DISC1: variants seen among roughly 807,000 people sequenced by gnomAD.
The protein encoded by DISC1 is DISC1 scaffold protein.
A neutral mutation model predicts 84.5 loss-of-function variants in DISC1; 57 were observed. The observed-to-expected ratio is 0.67, with a 90% CI of 0.55 to 0.84. The LOEUF (loss-of-function observed/expected upper bound fraction) is 0.84, where lower values mean the gene tolerates loss of function less well. Among genes scored for constraint, DISC1 ranks in the 40% least tolerant of loss-of-function variants. DISC1 has a pLI of 0.00. For missense variants in DISC1, 1,000 were observed against 1,057.8 expected, an observed-to-expected ratio of 0.95 and a Z score of 0.76; for synonymous variants, 411 against 415.2, an observed-to-expected ratio of 0.99 and a Z score of 0.12.
chr1:231,984,960 T>C (rs1664193280), intron 10 of DISC1, among the ~76,000 whole-genome samples: 1 of 152,058 alleles, frequency 6.6e-6, no homozygotes, highest in Admixed American at 6.5e-5. Flanking sequence ...TCCTCAATAT[T>C]TTCTAGTTTC....
chr1:231,991,450 T>C (rs934247923), intron 10 of DISC1, among the ~76,000 whole-genome samples: 1 of 152,206 alleles, frequency 6.6e-6, no homozygotes, highest in Non-Finnish European at 1.5e-5. Context: ...CTGCCCTTAG[T>C]GTGGCATGTG....
chr1:231,994,551 A>G (rs1199185488), intron 10 of DISC1, among the ~76,000 whole-genome samples: 2 of 152,204 alleles, frequency 1.3e-5, no homozygotes, highest in African/African-American at 2.4e-5. Context: ...TTAAAACACT[A>G]CAATGTAGCA....
intron 6 of DISC1, among the ~76,000 whole-genome samples, chr1:231,793,324 C>A (rs1178310477): frequency 6.6e-6 from 1 of 152,152 alleles, no homozygotes; most frequent in Non-Finnish European, 1.5e-5. Context: ...CCTCTTCTAG[C>A]ATCTATTACA....
intron 6 of DISC1, among the ~76,000 whole-genome samples, chr1:231,782,131 T>G (rs17766087): frequency 0.15 from 22,979 of 152,180 alleles, 1,903 homozygotes; most frequent in Non-Finnish European, 0.18. Flanking sequence ...ATCTTGACTT[T>G]CATTGTCATT....
intron 11 of DISC1, among the ~76,000 whole-genome samples, chr1:232,021,799 G>T (rs971527439): frequency 7.2e-5 from 11 of 152,156 alleles, no homozygotes; most frequent in Non-Finnish European, 8.8e-5. Flanking sequence ...TTGGGGTGGG[G>T]CACAGTGAGG....
Position 231,801,363 on chromosome 1 carries a change from C to T in DISC1, c.1792+1153C>T, listed in dbSNP as rs539088716. ...ATCAATATATCTTTCCCAGGAATAC[C>T]GGTGGATGAGTCTGTGTTAAGCCCA... On this transcript the variant is annotated intron_variant, in intron 8 of 12. Coordinates refer to ENST00000439617, the MANE Select transcript of DISC1 (RefSeq NM_018662.3). Among the ~76,000 whole-genome samples the T allele has an allele frequency of 8.5e-5, 13 of 152,256 alleles. No homozygotes were observed. In the South Asian group the frequency reaches 1.7e-3, roughly 19 times the overall value.
rs202052376 is a variant in DISC1, at chr1:231,826,516, C to T, written c.1981+7999C>T. ...TGATGATCCACTATCTGCCATGTTGCTATAGCAGATGGATAATTTAACTCA... is the reference window on the plus strand; with the variant it reads ...TGATGATCCACTATCTGCCATGTTGTTATAGCAGATGGATAATTTAACTCA... On this transcript the variant is annotated intron_variant, in intron 9 of 12. Transcript: ENST00000439617. The surrounding 1 kb of genome is among the most constrained non-coding windows in gnomAD (Gnocchi z 4.2). Among the ~76,000 whole-genome samples the T allele has an allele frequency of 8.5e-5, 13 of 152,172 alleles. No individual in the cohort carries two copies. The highest frequency in any genetic ancestry group is 1.6e-4 in the Non-Finnish European group (11 of 68,008).
intron 6 of DISC1, among the ~76,000 whole-genome samples, chr1:231,773,102 A>T (rs2076680776): frequency 6.6e-6 from 1 of 152,144 alleles, no homozygotes; most frequent in African/African-American, 2.4e-5. Flanking sequence ...CTAGTAAGAG[A>T]CCATCTTGTG....
At position 231,736,071 on chromosome 1, in the gene DISC1, C is replaced by T. The variant is rs12747182; in HGVS notation, c.1118-13855C>T. 1.5e-3 allele frequency among the ~76,000 whole-genome samples: 232 copies of T among 152,316 alleles called. 1 individual carries two copies. The highest frequency in any genetic ancestry group is 2.7e-3 in the Non-Finnish European group (181 of 68,042). On this transcript the variant is annotated intron_variant, in intron 3 of 12. Coordinates refer to ENST00000439617, the MANE Select transcript of DISC1 (RefSeq NM_018662.3). ...TCAAGTGATGCTCCTGCCTTGGCCTCTCAAAGTGCTAGGATTATAGACATG... is the reference window on the plus strand; with the variant it reads ...TCAAGTGATGCTCCTGCCTTGGCCTTTCAAAGTGCTAGGATTATAGACATG...
chr1:231,778,109 G>C (rs1483783190), intron 6 of DISC1, among the ~76,000 whole-genome samples: 2 of 152,188 alleles, frequency 1.3e-5, no homozygotes, highest in Admixed American at 6.5e-5. Context: ...GTCTCTGTGT[G>C]CCTAGTGTTG....
intron 1 of DISC1, among the ~76,000 whole-genome samples, chr1:231,639,067 G>A (rs1416084987): frequency 6.6e-6 from 1 of 152,172 alleles, no homozygotes; most frequent in Admixed American, 6.5e-5. Flanking sequence ...TGCAGGAGTA[G>A]GTAGAATTGC....
At chr1:231,739,398 G>A (rs1340299524) in intron 3 of DISC1, among the ~76,000 whole-genome samples, 1 of 152,126 alleles carries the variant, frequency 6.6e-6, no homozygotes, top group Admixed American at 6.5e-5. Flanking sequence ...TTCCCCATCT[G>A]TTGCTGTGTT....
At chr1:231,847,827 G>GT (rs1481226325) in intron 9 of DISC1, among the ~76,000 whole-genome samples, 1 of 152,168 alleles carries the variant, frequency 6.6e-6, no homozygotes, top group Non-Finnish European at 1.5e-5. Context: ...GCTCAGTGTG[G>GT]TACTTATTGC....
At chr1:231,644,658 C>T (rs1016292978) in intron 1 of DISC1, among the ~76,000 whole-genome samples, 7 of 152,172 alleles carry the variant, frequency 4.6e-5, no homozygotes, top group African/African-American at 1.7e-4. Flanking sequence ...CTCAACAGTA[C>T]AGCAGATTGA....
intron 1 of DISC1, among the ~76,000 whole-genome samples, chr1:231,661,572 G>A (rs1266700144): frequency 6.6e-6 from 1 of 152,182 alleles, no homozygotes; most frequent in Non-Finnish European, 1.5e-5. Context: ...AGGTTCTCGT[G>A]TTGTGTGTTT....
chr1:231,737,210 A>G (rs980588627), intron 3 of DISC1, among the ~76,000 whole-genome samples: 1 of 152,250 alleles, frequency 6.6e-6, no homozygotes, highest in Non-Finnish European at 1.5e-5. Flanking sequence ...TGTTTGTTTC[A>G]TAAATAGAAT....
At chr1:231,786,395 C>A (rs1386289482) in intron 6 of DISC1, among the ~76,000 whole-genome samples, 1 of 152,164 alleles carries the variant, frequency 6.6e-6, no homozygotes, top group African/African-American at 2.4e-5. Context: ...TCTTTTTCTG[C>A]AGAGGTCCAG....
intron 3 of DISC1, among the ~76,000 whole-genome samples, chr1:231,731,473 C>T (rs751030119): frequency 2.6e-5 from 4 of 152,154 alleles, no homozygotes; most frequent in Non-Finnish European, 5.9e-5. Context: ...GTTGCCATGG[C>T]AATGGTAAAC....
At chr1:231,803,716 A>T (rs1376430685) in intron 8 of DISC1, among the ~76,000 whole-genome samples, 3 of 152,032 alleles carry the variant, frequency 2.0e-5, no homozygotes, top group Admixed American at 1.3e-4. Context: ...TGGGAGGCCG[A>T]GGTGGGTGGA....
Sources: gnomAD v4.1 joint callset for allele counts (sites outside exome capture counted in the v4.1 genomes callset) on GRCh38, gnomAD v4.1.1 for gene constraint, Gnocchi (gnomAD v3.1) non-coding constraint, MANE v1.5 for transcripts, NCBI Gene and HGNC (gene_info 2026-07-23, HGNC 2026-07-21) for gene names.